PRDM16: variants seen among roughly 807,000 people sequenced by gnomAD.
PRDM16 encodes PR/SET domain 16.
A neutral mutation model predicts 110.6 loss-of-function variants in PRDM16; 23 were observed. The observed-to-expected ratio is 0.21, with a 90% CI of 0.15 to 0.29. The LOEUF (loss-of-function observed/expected upper bound fraction) is 0.29. Among genes scored for constraint, PRDM16 ranks in the 10% least tolerant of loss-of-function variants. PRDM16 has a pLI of 1.00. For synonymous variants in PRDM16, 799 were observed against 781.8 expected (o/e 1.02, Z -0.37); for missense variants, 1,615 against 1,794.3 (o/e 0.90, Z 1.81).
intron 1 of PRDM16, among the ~76,000 whole-genome samples, chr1:3,089,351 G>A (rs913817648): frequency 6.6e-6 from 1 of 152,206 alleles, no homozygotes; most frequent in African/African-American, 2.4e-5. Flanking sequence ...ACCCCCCACC[G>A]GGGCTGTGAC....
rs1642661330 is a variant in PRDM16 at position 3,358,802 on chromosome 1, T to C, written c.439-26350T>C. On this transcript the variant is annotated intron_variant, in intron 3 of 16. Transcript: ENST00000270722. The surrounding 1 kb of genome is among the most constrained non-coding windows in gnomAD (Gnocchi z 4.0). ...TTCCAGTCTCCACAAAGTCACAGTG[T>C]GTGATGATTCCTGCCGGGGAGGAGG... 6.6e-6 allele frequency among the ~76,000 whole-genome samples: 1 copy of C among 152,066 alleles called. No homozygotes were observed. The highest frequency in any genetic ancestry group is 2.1e-4 in the South Asian group (1 of 4,822).
rs1642892248 is a variant in PRDM16 at position 3,370,843 on chromosome 1, T to TCCAC, written c.439-14301_439-14298dup. ...CATCCACCATCTATTCATCCATCCG[T>TCCAC]CCACCCACCCATCCATCCATTAATT... On this transcript the variant is annotated intron_variant, in intron 3 of 16. Coordinates refer to ENST00000270722, the MANE Select transcript of PRDM16 (RefSeq NM_022114.4). The surrounding 1 kb of genome is among the most constrained non-coding windows in gnomAD (Gnocchi z 4.8). Among the ~76,000 whole-genome samples, 3 of 151,868 alleles carry TCCAC rather than the reference T, an allele frequency of 2.0e-5. No homozygotes were observed. The highest frequency in any genetic ancestry group is 2.0e-4 in the Admixed American group (3 of 15,236).
At chr1:3,092,732 C>T (rs930007399) in intron 1 of PRDM16, among the ~76,000 whole-genome samples, 1 of 152,164 alleles carries the variant, frequency 6.6e-6, no homozygotes, top group African/African-American at 2.4e-5. Flanking sequence ...CTCTGAGCCA[C>T]AAGCTGGGGG....
intron 3 of PRDM16, among the ~76,000 whole-genome samples, chr1:3,280,152 T>G (rs956270020): frequency 6.6e-6 from 1 of 152,156 alleles, no homozygotes; most frequent in Non-Finnish European, 1.5e-5. Flanking sequence ...CAGCACCCAC[T>G]GCATGGGTAG....
At chr1:3,421,271 C>T (rs531531926) in intron 12 of PRDM16, among the ~76,000 whole-genome samples, 1 of 152,228 alleles carries the variant, frequency 6.6e-6, no homozygotes, top group Admixed American at 6.5e-5. Flanking sequence ...GGGCCCTGGC[C>T]ACCCCCCCTG....
intron 3 of PRDM16, among the ~76,000 whole-genome samples, chr1:3,293,064 A>G (rs1570008457): frequency 6.6e-6 from 1 of 152,362 alleles, no homozygotes; most frequent in South Asian, 2.1e-4. Context: ...TGCCTTTCAC[A>G]GGGACATCGC....
rs1638320866 is a variant in PRDM16 at position 3,418,108 on chromosome 1, G to C, written c.2861+111G>C. 3 of 859,902 alleles carry C rather than the reference G, an allele frequency of 3.5e-6. No individual in the cohort carries two copies. In the South Asian group the frequency reaches 5.2e-5, roughly 15 times the overall value. The allele number at this position is 859,902 out of a possible 1,614,324, so 53.3% of individuals were successfully genotyped here. A position where few individuals can be genotyped will look rare whatever the true frequency, so the allele number is the denominator to read the frequency against. ...AACTCAGAGTCCCGGCCATAGGAAA[G>C]CACAGCACTGCAATCAGCTGGTTAT... On this transcript the variant is annotated intron_variant, in intron 11 of 16. Transcript: ENST00000270722.
rs575829952 is a variant in PRDM16, at chr1:3,317,413, C to G, written c.439-67739C>G. On this transcript the variant is annotated intron_variant, in intron 3 of 16. Transcript: ENST00000270722. The stretch of plus-strand genomic sequence containing the variant: ...TGCCTTCTGTCCAGCAGCCGCTGCA[C>G]GATGCTGGCTTCCTCACTAAGCAGG... 9.8e-5 allele frequency among the ~76,000 whole-genome samples: 15 copies of G among 152,354 alleles called. No homozygotes were observed. In the South Asian group the frequency reaches 1.7e-3, roughly 17 times the overall value.
chr1:3,220,577 C>G (rs1431023511), intron 2 of PRDM16, among the ~76,000 whole-genome samples: 1 of 152,186 alleles, frequency 6.6e-6, no homozygotes, highest in Non-Finnish European at 1.5e-5. Context: ...TGCTGTGGTT[C>G]TCCTTGGCCT....
chr1:3,335,080 CT>C (rs1287819369), intron 3 of PRDM16, among the ~76,000 whole-genome samples: 1 of 152,220 alleles, frequency 6.6e-6, no homozygotes, highest in East Asian at 1.9e-4. Flanking sequence ...AGGTTCCCCC[CT>C]GTGGCTTCAG....
intron 1 of PRDM16, among the ~76,000 whole-genome samples, chr1:3,109,754 G>T (rs1386449717): frequency 6.6e-6 from 1 of 152,228 alleles, no homozygotes; most frequent in Non-Finnish European, 1.5e-5. Flanking sequence ...AGTTATTACG[G>T]GGTCTCAAAG....
intron 1 of PRDM16, among the ~76,000 whole-genome samples, chr1:3,155,907 TA>T (rs1643852657): frequency 6.6e-6 from 1 of 152,232 alleles, no homozygotes. Flanking sequence ...TGGATTTCTT[TA>T]AATTAATAAT....
At chr1:3,317,690 G>A (rs1641643482) in intron 3 of PRDM16, among the ~76,000 whole-genome samples, 1 of 152,210 alleles carries the variant, frequency 6.6e-6, no homozygotes, top group East Asian at 1.9e-4. Context: ...GCAGCCATTG[G>A]GCGTGCGTGG....
intron 1 of PRDM16, among the ~76,000 whole-genome samples, chr1:3,106,537 G>C (rs1642659580): frequency 6.6e-6 from 1 of 152,226 alleles, no homozygotes; most frequent in African/African-American, 2.4e-5. Flanking sequence ...GCCAGGGCTG[G>C]GGGAGTGGTC....
At chr1:3,418,240 AACTG>A (rs750023837) in intron 11 of PRDM16, among the ~76,000 whole-genome samples, 50 of 152,310 alleles carry the variant, frequency 3.3e-4, no homozygotes, top group Non-Finnish European at 5.6e-4. Context: ...GCCCAGCCTG[AACTG>A]GGAAGGCTGG....
chr1:3,152,338 A>G (rs546028877), intron 1 of PRDM16, among the ~76,000 whole-genome samples: 5 of 136,368 alleles, frequency 3.7e-5, no homozygotes, highest in Non-Finnish European at 8.1e-5. Flanking sequence ...CCATCCATTT[A>G]TCTATGCATT....
At chr1:3,270,284 G>C (rs1451420062) in intron 3 of PRDM16, among the ~76,000 whole-genome samples, 2 of 150,040 alleles carry the variant, frequency 1.3e-5, no homozygotes, top group African/African-American at 2.5e-5. Context: ...CCCGGAGGAG[G>C]ACAGTGGGGA....
chr1:3,076,867 ATTC>A (rs1641913027), intron 1 of PRDM16, among the ~76,000 whole-genome samples: 2 of 152,186 alleles, frequency 1.3e-5, no homozygotes, highest in Admixed American at 1.3e-4. Flanking sequence ...CCAAATGTAT[ATTC>A]TATAAGGAAT....
chr1:3,215,304 G>A (rs1638992993), intron 2 of PRDM16, among the ~76,000 whole-genome samples: 1 of 123,724 alleles, frequency 8.1e-6, no homozygotes, highest in African/African-American at 4.0e-5. Context: ...CTGGGACCAT[G>A]TCAGGAAGAA....
Sources: gnomAD v4.1 joint callset for allele counts (sites outside exome capture counted in the v4.1 genomes callset) on GRCh38, gnomAD v4.1.1 for gene constraint, Gnocchi (gnomAD v3.1) non-coding constraint, MANE v1.5 for transcripts, NCBI Gene and HGNC (gene_info 2026-07-23, HGNC 2026-07-21) for gene names.